The following CADM2 variants were observed in gnomAD, a reference collection of about 807,000 sequenced individuals.
The protein encoded by CADM2 is cell adhesion molecule 2.
CADM2 carries 12 observed loss-of-function variants against 49.8 expected under a neutral mutation model. The ratio of observed to expected loss-of-function variants is 0.24; its 90% CI spans 0.15 to 0.39. The LOEUF is 0.39. Among genes scored for constraint, CADM2 ranks in the 10% least tolerant of loss-of-function variants. The probability of loss-of-function intolerance (pLI) is 1.00; values close to 1 mark genes in which losing one functional copy is unlikely to be tolerated. For synonymous variants in CADM2, 214 were observed against 175.4 expected, an observed-to-expected ratio of 1.22 and a Z score of -1.74; for missense variants, 378 against 492.3, an observed-to-expected ratio of 0.77 and a Z score of 2.20.
rs543744253 is a variant in CADM2 at position 85,791,940 on chromosome 3, G to T, written c.89-10107G>T. On this transcript the variant is annotated intron_variant, in intron 2 of 9. Coordinates refer to ENST00000383699, the MANE Select transcript of CADM2 (RefSeq NM_001167675.2). ...GGGTTTCACCATGTTAGCCAGGATG[G>T]TCTCGATCTCCTGACCTTGTGATCC... is the stretch of plus-strand genomic sequence containing the variant. Among the ~76,000 whole-genome samples the T allele has an allele frequency of 8.5e-5, 13 of 152,208 alleles. No homozygotes were observed. The Middle Eastern group carries it at 0.01, about 119-fold the overall frequency.
At chr3:85,424,791 A>G (rs1454256464) in intron 1 of CADM2, among the ~76,000 whole-genome samples, 1 of 152,186 alleles carries the variant, frequency 6.6e-6, no homozygotes, top group African/African-American at 2.4e-5. Flanking sequence ...TTTTGTGACT[A>G]AATTGGTACT....
At chr3:85,357,692 G>C (rs1470142793) in intron 1 of CADM2, among the ~76,000 whole-genome samples, 1 of 151,776 alleles carries the variant, frequency 6.6e-6, no homozygotes, top group Non-Finnish European at 1.5e-5. Context: ...TCGCATTCAA[G>C]GGCTCTCACA....
At chr3:85,373,968 CCT>C (rs2033434474) in intron 1 of CADM2, among the ~76,000 whole-genome samples, 1 of 152,130 alleles carries the variant, frequency 6.6e-6, no homozygotes, top group African/African-American at 2.4e-5. Flanking sequence ...GCTGTGAAGA[CCT>C]CTGTCATGCC....
intron 1 of CADM2, among the ~76,000 whole-genome samples, chr3:85,613,523 G>T (rs1248591758): frequency 6.6e-6 from 1 of 151,592 alleles, no homozygotes; most frequent in East Asian, 1.9e-4. Context: ...ATTAAAGAGA[G>T]GTCTTTGAGT....
At chr3:85,805,904 T>G (rs1230653165) in intron 3 of CADM2, among the ~76,000 whole-genome samples, 1 of 152,240 alleles carries the variant, frequency 6.6e-6, no homozygotes, top group Non-Finnish European at 1.5e-5. Flanking sequence ...ATCTATAGCC[T>G]CACTCTTCTT....
At chr3:85,701,996 ATAG>A in intron 1 of CADM2, among the ~76,000 whole-genome samples, 1 of 152,088 alleles carries the variant, frequency 6.6e-6, no homozygotes, top group East Asian at 1.9e-4. Flanking sequence ...AGATAGATAG[ATAG>A]ATAGATAGAT....
At chr3:85,410,448 C>A (rs2035603177) in intron 1 of CADM2, among the ~76,000 whole-genome samples, 2 of 152,136 alleles carry the variant, frequency 1.3e-5, no homozygotes, top group East Asian at 1.9e-4. Flanking sequence ...TTTTCTCGTG[C>A]AGCTCATTCA....
intron 1 of CADM2, among the ~76,000 whole-genome samples, chr3:85,612,063 A>G (rs1337974350): frequency 6.6e-6 from 1 of 151,920 alleles, no homozygotes; most frequent in East Asian, 1.9e-4. Context: ...TCCATAGGAA[A>G]TGGAATTAAG....
chr3:85,725,699 G>A (rs1047381463), intron 1 of CADM2, among the ~76,000 whole-genome samples: 1 of 151,906 alleles, frequency 6.6e-6, no homozygotes, highest in Non-Finnish European at 1.5e-5. Flanking sequence ...CTAGATATAA[G>A]CTTATACTTC....
At chr3:85,467,466 C>A (rs1336750309) in intron 1 of CADM2, among the ~76,000 whole-genome samples, 1 of 152,042 alleles carries the variant, frequency 6.6e-6, no homozygotes, top group East Asian at 1.9e-4. Context: ...TAACTTGTCA[C>A]AAAGCTACTC....
At chr3:85,432,738 T>C (rs567019351) in intron 1 of CADM2, among the ~76,000 whole-genome samples, 1 of 152,310 alleles carries the variant, frequency 6.6e-6, no homozygotes, top group South Asian at 2.1e-4. Flanking sequence ...GCATTTCTTA[T>C]AGCATTACAT....
chr3:85,710,796 C>T (rs925311309), intron 1 of CADM2, among the ~76,000 whole-genome samples: 2 of 152,090 alleles, frequency 1.3e-5, no homozygotes, highest in African/African-American at 4.8e-5. Context: ...TGAACAGTTG[C>T]AGTTTATGCT....
At chr3:85,378,323 A>T (rs2033710480) in intron 1 of CADM2, among the ~76,000 whole-genome samples, 1 of 151,896 alleles carries the variant, frequency 6.6e-6, no homozygotes, top group South Asian at 2.1e-4. Context: ...TTGGCACCTA[A>T]ATATCTTTAT....
intron 1 of CADM2, among the ~76,000 whole-genome samples, chr3:85,091,047 C>T (rs567797615): frequency 6.6e-6 from 1 of 152,232 alleles, no homozygotes; most frequent in Admixed American, 6.5e-5. Context: ...TGATAAAATG[C>T]AGATTGCGGG....
chr3:85,047,337 C>A (rs761432883), intron 1 of CADM2, among the ~76,000 whole-genome samples: 1 of 151,980 alleles, frequency 6.6e-6, no homozygotes, highest in Non-Finnish European at 1.5e-5. Flanking sequence ...CAAATCCTGA[C>A]GGTAGGTTCT....
intron 1 of CADM2, among the ~76,000 whole-genome samples, chr3:85,465,183 A>T (rs2038436218): frequency 6.6e-6 from 1 of 152,112 alleles, no homozygotes; most frequent in Non-Finnish European, 1.5e-5. Context: ...AACAACAAAA[A>T]CAAACAAACA....
At chr3:85,430,580 T>C (rs1323550784) in intron 1 of CADM2, among the ~76,000 whole-genome samples, 1 of 129,410 alleles carries the variant, frequency 7.7e-6, no homozygotes, top group Non-Finnish European at 1.5e-5. Flanking sequence ...AGTGTAATTC[T>C]AACCAAGAAT....
At chr3:85,591,572 G>A (rs2063108864) in intron 1 of CADM2, among the ~76,000 whole-genome samples, 1 of 151,930 alleles carries the variant, frequency 6.6e-6, no homozygotes, top group Admixed American at 6.6e-5. Context: ...AAACACAAGG[G>A]AATGTTTTCA....
intron 3 of CADM2, among the ~76,000 whole-genome samples, chr3:85,826,559 T>A (rs1314962262): frequency 6.6e-6 from 1 of 152,032 alleles, no homozygotes; most frequent in Non-Finnish European, 1.5e-5. Flanking sequence ...AAATACTTCC[T>A]CTTTCTCTCA....
Sources: allele counts gnomAD v4.1 joint callset (sites outside exome capture counted in the v4.1 genomes callset), GRCh38; gene constraint gnomAD v4.1.1; transcripts MANE v1.5; gene names NCBI Gene and HGNC (gene_info 2026-07-23, HGNC 2026-07-21).